The following WWOX variants were observed in gnomAD, a reference collection of about 807,000 sequenced individuals.
The protein encoded by WWOX is WW domain containing oxidoreductase.
Under a neutral mutation model 46.2 loss-of-function variants are expected in WWOX, and 69 were observed. That is an observed-to-expected ratio of 1.49 (90% CI 1.23 to 1.82). WWOX has a LOEUF of 1.82. WWOX is among the 40% of genes most tolerant of loss of function. The pLI, the probability that WWOX is intolerant of heterozygous loss-of-function variation, is 0.00. For synonymous variants in WWOX, 359 were observed against 202.6 expected (o/e 1.77, Z -6.56); for missense variants, 919 against 542.6 (o/e 1.69, Z -6.89).
chr16:78,337,898 TTCCTGG>T (rs1294185404), intron 5 of WWOX, among the ~76,000 whole-genome samples: 6 of 114,560 alleles, frequency 5.2e-5, no homozygotes, highest in African/African-American at 1.2e-4. Context: ...GCCCTCTCTG[TTCCTGG>T]CAGTGCCTGT....
chr16:79,191,542 C>G (rs2051137018), intron 8 of WWOX, among the ~76,000 whole-genome samples: 1 of 152,232 alleles, frequency 6.6e-6, no homozygotes, highest in Non-Finnish European at 1.5e-5. Context: ...GTTTTTGCTT[C>G]TAGCTGGTCG....
chr16:78,933,176 C>T lies in WWOX; in HGVS notation c.1057-278432C>T, dbSNP rs564747451. On this transcript the variant is annotated intron_variant, in intron 8 of 8. Transcript: ENST00000566780. ...GATGTTGGCCTGGCGTGGTGGCTCA[C>T]GCCTGTAATCCCAGCACTTTGGCAG... Among the ~76,000 whole-genome samples the T allele has an allele frequency of 1.9e-4, 29 of 152,324 alleles. 1 individual carries two copies. The highest frequency in any genetic ancestry group is 2.1e-4 in the South Asian group (1 of 4,832).
chr16:78,655,558 A>G (rs996962878), intron 8 of WWOX, among the ~76,000 whole-genome samples: 1 of 152,166 alleles, frequency 6.6e-6, no homozygotes, highest in Admixed American at 6.5e-5. Flanking sequence ...TGTTTGGTCT[A>G]TTACCATTAA....
intron 8 of WWOX, among the ~76,000 whole-genome samples, chr16:78,940,052 T>C (rs1248863411): frequency 1.3e-5 from 2 of 152,238 alleles, no homozygotes; most frequent in African/African-American, 2.4e-5. Context: ...AAATAAACGT[T>C]ACTTTCATCC....
intron 8 of WWOX, among the ~76,000 whole-genome samples, chr16:79,138,292 GA>G (rs1312023399): frequency 1.3e-5 from 2 of 152,216 alleles, no homozygotes; most frequent in African/African-American, 4.8e-5. Context: ...AATTCGTCAT[GA>G]TCCTTTTGTG....
chr16:79,030,823 C>A (rs890123983), intron 8 of WWOX, among the ~76,000 whole-genome samples: 1 of 152,114 alleles, frequency 6.6e-6, no homozygotes. Flanking sequence ...TGCCTCATTC[C>A]TGTAATTCTA....
intron 8 of WWOX, among the ~76,000 whole-genome samples, chr16:78,524,387 C>T (rs920800034): frequency 2.1e-5 from 2 of 95,072 alleles, no homozygotes; most frequent in African/African-American, 6.6e-5. Flanking sequence ...CTAGAGATTT[C>T]ATTTATTTAT....
chr16:79,065,336 A>T (rs1370262066), intron 8 of WWOX, among the ~76,000 whole-genome samples: 1 of 152,198 alleles, frequency 6.6e-6, no homozygotes, highest in East Asian at 1.9e-4. Flanking sequence ...TACCCAAATC[A>T]GCCTCCCCGA....
At chr16:78,582,106 C>T (rs889877918) in intron 8 of WWOX, among the ~76,000 whole-genome samples, 11 of 152,264 alleles carry the variant, frequency 7.2e-5, no homozygotes, top group African/African-American at 1.9e-4. Flanking sequence ...GCTCTATAAT[C>T]GGCACTCATT....
chr16:79,118,471 C>T lies in WWOX; in HGVS notation c.1057-93137C>T, dbSNP rs376834998. Among the ~76,000 whole-genome samples the T allele has an allele frequency of 4.6e-5, 7 of 152,238 alleles. No homozygotes were observed. In the East Asian group the frequency reaches 1.2e-3, roughly 25 times the overall value. On this transcript the variant is annotated intron_variant, in intron 8 of 8. Transcript: ENST00000566780. ...GAATTATCAAAATGTGATACAGAGA[C>T]ATGAAGTGAGCAGGTACCATTGGAA...
chr16:78,541,798 C>G (rs1433942259), intron 8 of WWOX, among the ~76,000 whole-genome samples: 1 of 151,978 alleles, frequency 6.6e-6, no homozygotes, highest in Non-Finnish European at 1.5e-5. Context: ...AGGAACTCAG[C>G]AAATGGACTA....
intron 4 of WWOX, among the ~76,000 whole-genome samples, chr16:78,121,004 C>G (rs28620362): frequency 0.014 from 2,179 of 151,708 alleles, 58 homozygotes; most frequent in African/African-American, 0.05. Flanking sequence ...CTAGTTATTC[C>G]AAAAGGTCCC....
intron 8 of WWOX, among the ~76,000 whole-genome samples, chr16:78,467,493 T>C (rs994479941): frequency 2.0e-5 from 3 of 152,228 alleles, no homozygotes; most frequent in African/African-American, 7.2e-5. Flanking sequence ...TTTTCATTGT[T>C]CTTTTATTGT....
chr16:79,038,261 T>C (rs541191086), intron 8 of WWOX, among the ~76,000 whole-genome samples: 18 of 152,286 alleles, frequency 1.2e-4, no homozygotes, highest in African/African-American at 4.3e-4. Context: ...AAAGATCCAG[T>C]GAATTGTCTC....
chr16:79,108,452 C>G (rs140175963), intron 8 of WWOX, among the ~76,000 whole-genome samples: 2 of 152,166 alleles, frequency 1.3e-5, no homozygotes, highest in Admixed American at 1.3e-4. Context: ...GGTATGGGAG[C>G]GAAAGATTGC....
At chr16:78,574,301 C>G (rs2044793659) in intron 8 of WWOX, among the ~76,000 whole-genome samples, 2 of 152,166 alleles carry the variant, frequency 1.3e-5, no homozygotes, top group Non-Finnish European at 1.5e-5. Flanking sequence ...CTGATTAATA[C>G]CAAGTCAGAA....
intron 5 of WWOX, among the ~76,000 whole-genome samples, chr16:78,179,258 C>T (rs2035451140): frequency 6.6e-6 from 1 of 152,224 alleles, no homozygotes; most frequent in South Asian, 2.1e-4. Flanking sequence ...TTTGTGCAAA[C>T]CTAATAGGGT....
chr16:78,818,701 C>A (rs1295933794), intron 8 of WWOX, among the ~76,000 whole-genome samples: 1 of 152,196 alleles, frequency 6.6e-6, no homozygotes, highest in Non-Finnish European at 1.5e-5. Flanking sequence ...GGACTATAGC[C>A]TGGGCAGTTT....
intron 8 of WWOX, among the ~76,000 whole-genome samples, chr16:79,132,326 G>C (rs1035069759): frequency 2.0e-5 from 3 of 152,174 alleles, no homozygotes; most frequent in Admixed American, 2.0e-4. Flanking sequence ...GCAAGATTTT[G>C]TTAGGTCCCA....
Sources: gnomAD v4.1 joint callset for allele counts (sites outside exome capture counted in the v4.1 genomes callset) on GRCh38, gnomAD v4.1.1 for gene constraint, MANE v1.5 for transcripts, NCBI Gene and HGNC (gene_info 2026-07-23, HGNC 2026-07-21) for gene names.